The following KLHL1 variants were observed in gnomAD, a reference collection of about 807,000 sequenced individuals.
KLHL1 encodes kelch like family member 1.
KLHL1 carries 47 observed loss-of-function variants against 77.7 expected under a neutral mutation model. That is an observed-to-expected ratio of 0.60 (90% CI 0.48 to 0.77). The LOEUF (loss-of-function observed/expected upper bound fraction) is 0.77, where lower values mean the gene tolerates loss of function less well. KLHL1 is among the 30% of genes least tolerant of loss of function. KLHL1 has a pLI of 0.00. For missense variants in KLHL1, 925 were observed against 910.8 expected, an observed-to-expected ratio of 1.02 and a Z score of -0.20; for synonymous variants, 360 against 325.2, an observed-to-expected ratio of 1.11 and a Z score of -1.15.
intron 4 of KLHL1, among the ~76,000 whole-genome samples, chr13:69,916,964 T>C (rs547134122): frequency 2.0e-5 from 3 of 152,084 alleles, no homozygotes; most frequent in Non-Finnish European, 4.4e-5. Context: ...TAGGCTATTT[T>C]TGAGTAAAGT....
chr13:69,720,590 G>A (rs1317069125), intron 8 of KLHL1, among the ~76,000 whole-genome samples: 2 of 152,052 alleles, frequency 1.3e-5, no homozygotes. Context: ...AGCAGGATCA[G>A]TAATGCAACT....
intron 4 of KLHL1, among the ~76,000 whole-genome samples, chr13:69,904,628 G>A (rs2138233129): frequency 6.6e-6 from 1 of 152,242 alleles, no homozygotes; most frequent in South Asian, 2.1e-4. Flanking sequence ...CAAAATCTAT[G>A]TGGCCATTCA....
chr13:69,720,117 A>T (rs1406141753), intron 8 of KLHL1, among the ~76,000 whole-genome samples: 2 of 152,112 alleles, frequency 1.3e-5, no homozygotes, highest in Non-Finnish European at 2.9e-5. Flanking sequence ...ACTATAGCTA[A>T]AAACAAGACT....
intron 4 of KLHL1, among the ~76,000 whole-genome samples, chr13:69,918,475 A>C (rs1882518546): frequency 6.6e-6 from 1 of 151,880 alleles, no homozygotes; most frequent in Non-Finnish European, 1.5e-5. Context: ...ATTGCAATGA[A>C]ATTGAATTTT....
chr13:69,751,104 ATGTGTGTATGTGTGTGTG>A (rs1874457366), intron 7 of KLHL1, among the ~76,000 whole-genome samples: 1 of 124,700 alleles, frequency 8.0e-6, no homozygotes, highest in African/African-American at 3.4e-5. Flanking sequence ...CATTCATGTC[ATGTGTGTATGTGTGTGTG>A]TGTGTGTGTG....
At chr13:69,899,216 C>T (rs1779639756) in intron 4 of KLHL1, among the ~76,000 whole-genome samples, 2 of 152,144 alleles carry the variant, frequency 1.3e-5, no homozygotes, top group African/African-American at 4.8e-5. Context: ...CATGGCTCTT[C>T]AGACTATCCA....
At chr13:70,102,601 A>G (rs1887951345) in intron 1 of KLHL1, among the ~76,000 whole-genome samples, 1 of 152,182 alleles carries the variant, frequency 6.6e-6, no homozygotes, top group Non-Finnish European at 1.5e-5. Flanking sequence ...AAGATTGGGC[A>G]AAATGGCCAA....
chr13:69,876,554 C>T (rs1229963161), intron 5 of KLHL1, among the ~76,000 whole-genome samples: 1 of 152,124 alleles, frequency 6.6e-6, no homozygotes, highest in East Asian at 1.9e-4. Flanking sequence ...AAACCATATT[C>T]CTCTAAATCT....
Position 69,939,947 on chromosome 13 carries a change from A to G in KLHL1, c.1014+93T>C, listed in dbSNP as rs113104245. On this transcript the variant is annotated intron_variant, in intron 4 of 10. Coordinates refer to ENST00000377844, the MANE Select transcript of KLHL1 (RefSeq NM_020866.3). ...GCCAAGCATAGAAAACTCATTTTAA[A>G]CTTAAAAAACTTGCTAATGCCATGA... The G allele has an allele frequency of 9.6e-6, 9 of 933,324 alleles. No individual in the cohort carries two copies. The African/African-American group carries it at 1.0e-4, about 11-fold the overall frequency. The allele number at this position is 933,324 out of a possible 1,614,324, so 57.8% of individuals were successfully genotyped here.
intron 1 of KLHL1, among the ~76,000 whole-genome samples, chr13:69,993,808 C>T (rs972746443): frequency 2.0e-5 from 3 of 152,074 alleles, no homozygotes; most frequent in African/African-American, 7.2e-5. Flanking sequence ...AATGTAAATA[C>T]ATTTTCCAAT....
At chr13:69,910,069 A>G (rs569370352) in intron 4 of KLHL1, among the ~76,000 whole-genome samples, 1 of 152,198 alleles carries the variant, frequency 6.6e-6, no homozygotes, top group East Asian at 1.9e-4. Flanking sequence ...ATGTGTGGCT[A>G]GTTCTTAAAG....
chr13:69,746,492 C>T (rs145752017), intron 7 of KLHL1, among the ~76,000 whole-genome samples: 4,949 of 151,990 alleles, frequency 0.033, 157 homozygotes, highest in Admixed American at 0.085. Context: ...AAGGTTCTTT[C>T]GGTTACAATG....
intron 7 of KLHL1, among the ~76,000 whole-genome samples, chr13:69,786,045 C>T (rs1289101715): frequency 6.6e-6 from 1 of 152,062 alleles, no homozygotes; most frequent in African/African-American, 2.4e-5. Context: ...AGTCCAGGAC[C>T]AGATGGATTC....
At chr13:69,717,236 T>C (rs1037106568) in intron 9 of KLHL1, among the ~76,000 whole-genome samples, 2 of 152,176 alleles carry the variant, frequency 1.3e-5, no homozygotes, top group Non-Finnish European at 2.9e-5. Flanking sequence ...TTCTTGCTAT[T>C]TCTAATGATG....
At chr13:69,796,235 A>G (rs1462077512) in intron 7 of KLHL1, among the ~76,000 whole-genome samples, 4 of 151,950 alleles carry the variant, frequency 2.6e-5, no homozygotes, top group African/African-American at 9.7e-5. Flanking sequence ...AATTTACTTA[A>G]AGATAATGAT....
intron 1 of KLHL1, among the ~76,000 whole-genome samples, chr13:70,100,368 C>G (rs1249816136): frequency 1.3e-5 from 2 of 152,006 alleles, no homozygotes. Flanking sequence ...TATGTTTATT[C>G]TGTATCCTGC....
At chr13:69,900,649 G>A (rs933316182) in intron 4 of KLHL1, among the ~76,000 whole-genome samples, 3 of 152,170 alleles carry the variant, frequency 2.0e-5, no homozygotes, top group Non-Finnish European at 4.4e-5. Context: ...GCCAAACAGA[G>A]TTGGCCAACA....
intron 7 of KLHL1, among the ~76,000 whole-genome samples, chr13:69,747,467 T>C (rs919344489): frequency 6.6e-6 from 1 of 152,046 alleles, no homozygotes; most frequent in Admixed American, 6.6e-5. Flanking sequence ...ATGATGAAGA[T>C]GATAAGAATT....
chr13:70,073,242 G>A (rs1195055656), intron 1 of KLHL1, among the ~76,000 whole-genome samples: 1 of 152,084 alleles, frequency 6.6e-6, no homozygotes, highest in African/African-American at 2.4e-5. Flanking sequence ...AAAAGGATGA[G>A]TTCATGTCCT....
Sources: allele counts gnomAD v4.1 joint callset (sites outside exome capture counted in the v4.1 genomes callset), GRCh38; gene constraint gnomAD v4.1.1; transcripts MANE v1.5; gene names NCBI Gene and HGNC (gene_info 2026-07-23, HGNC 2026-07-21).